The following RGS12 variants were observed in gnomAD, a reference collection of about 807,000 sequenced individuals.
RGS12 encodes regulator of G protein signaling 12.
Under a neutral mutation model 120.1 loss-of-function variants are expected in RGS12, and 66 were observed. The ratio of observed to expected loss-of-function variants is 0.55; its 90% CI spans 0.45 to 0.67. RGS12 has a LOEUF of 0.67. Among genes scored for constraint, RGS12 ranks in the 30% least tolerant of loss-of-function variants. The pLI, the probability that RGS12 is intolerant of heterozygous loss-of-function variation, is 0.00. For synonymous variants in RGS12, 827 were observed against 804.7 expected, an observed-to-expected ratio of 1.03 and a Z score of -0.47; for missense variants, 1,859 against 1,957.7, an observed-to-expected ratio of 0.95 and a Z score of 0.95.
At chr4:3,429,942 G>C (rs1377475984) in intron 16 of RGS12, among the ~76,000 whole-genome samples, 1 of 152,108 alleles carries the variant, frequency 6.6e-6, no homozygotes, top group Admixed American at 6.5e-5. Context: ...ACCCCTCCTC[G>C]GGTTCATTCT....
At chr4:3,286,451 C>T in the RGS12 span, among the ~76,000 whole-genome samples, 1 of 152,242 alleles carries the variant, frequency 6.6e-6, no homozygotes, top group African/African-American at 2.4e-5. Flanking sequence ...ACTCAACTGG[C>T]AAATACAGTC....
chr4:3,429,370 A>G (rs1414757232), intron 16 of RGS12, among the ~76,000 whole-genome samples: 2 of 152,234 alleles, frequency 1.3e-5, no homozygotes, highest in Non-Finnish European at 2.9e-5. Flanking sequence ...TCCAGGGCGT[A>G]CTTGCCAGTC....
chr4:3,408,792 T>C (rs1328329193), intron 4 of RGS12, among the ~76,000 whole-genome samples: 1 of 152,182 alleles, frequency 6.6e-6, no homozygotes, highest in African/African-American at 2.4e-5. Flanking sequence ...TGTGTCTGCT[T>C]CCTCTACTCT....
intron 2 of RGS12, among the ~76,000 whole-genome samples, chr4:3,323,108 C>T (rs1220636451): frequency 6.6e-6 from 1 of 152,244 alleles, no homozygotes; most frequent in Non-Finnish European, 1.5e-5. Context: ...GCGCAGTCTG[C>T]TGTCCAGGGT....
Position 3,425,462 on chromosome 4 carries a change from A to G in RGS12, c.3235-2A>G, listed in dbSNP as rs926209224. 1 of 1,608,778 alleles carries G rather than the reference A, an allele frequency of 6.2e-7. No homozygotes were observed. The highest frequency in any genetic ancestry group is 1.3e-5 in the African/African-American group (1 of 74,624). On this transcript the variant is annotated splice_acceptor_variant, in intron 13 of 17. Transcript: ENST00000336727. LOFTEE classifies it high-confidence loss of function. ...ATTATTCAGTGCTGATCTCTGCCCTAGAGTGGAGAGAAGGAGCCCCTGGAC... is the reference window on the plus strand; with the variant it reads ...ATTATTCAGTGCTGATCTCTGCCCTGGAGTGGAGAGAAGGAGCCCCTGGAC...
At chr4:3,358,430 T>C (rs7677740) in intron 3 of RGS12, among the ~76,000 whole-genome samples, 4,886 of 152,260 alleles carry the variant, frequency 0.032, 239 homozygotes, top group African/African-American at 0.11. Context: ...TGAAAAGCTT[T>C]GTCATTCTCC....
At chr4:3,350,029 GAT>G (rs1433458206) in intron 3 of RGS12, among the ~76,000 whole-genome samples, 2 of 152,100 alleles carry the variant, frequency 1.3e-5, no homozygotes, top group African/African-American at 4.8e-5. Flanking sequence ...TGAAAACTGA[GAT>G]ATAGAAAAAG....
rs765900737 is a variant in RGS12 at position 3,430,644 on chromosome 4, G to A, written c.3803G>A (p.Ser1268Asn). The A allele has an allele frequency of 6.2e-7, 1 of 1,600,232 alleles. No homozygotes were observed. Among genetic ancestry groups the A allele is most frequent in the Non-Finnish European group, 8.5e-7 (1 of 1,172,824 alleles). The part of the protein sequence containing the change: ...GEQWEPVQES[S>N]DSPSTSPGSA... The stretch of plus-strand genomic sequence containing the variant: ...CAGTGGGAGCCAGTCCAGGAGAGCA[G>A]CGACAGCCCGTCCACCAGCCCGGGC... Residue 1268 changes from serine to asparagine, a missense_variant, in exon 17 of 18, where the codon AGC becomes AAC. By Grantham distance (46) the Ser-to-Asn change is conservative. Around this residue, in one of 3 missense-constraint regions of RGS12, gnomAD observed 517 missense variants for 488.5 expected, o/e 1.06. Transcript: ENST00000336727.
At chr4:3,375,097 G>A (rs1305752395) in intron 3 of RGS12, among the ~76,000 whole-genome samples, 1 of 152,236 alleles carries the variant, frequency 6.6e-6, no homozygotes, top group South Asian at 2.1e-4. Flanking sequence ...GGGGCTGCCA[G>A]GAGGGGTCGG....
Position 3,317,262 on chromosome 4 carries a change from G to T in RGS12, c.1092G>T (p.Thr364=), listed in dbSNP as rs200340231. The T allele has an allele frequency of 1.2e-5, 19 of 1,614,122 alleles. No homozygotes were observed. In the South Asian group the frequency reaches 1.3e-4, roughly 11 times the overall value. The change falls in exon 2 of 18, where the codon ACG becomes ACT. Residue 364 remains threonine (T), a synonymous_variant. Coordinates refer to ENST00000336727, the MANE Select transcript of RGS12 (RefSeq NM_001394154.1). ...CTCGGCGGTTTGGGTTTGAGTGCACGGCCGACCCAGACACCAATGGCTGTC... is the reference window on the plus strand; with the variant it reads ...CTCGGCGGTTTGGGTTTGAGTGCACTGCCGACCCAGACACCAATGGCTGTC... The part of the protein sequence containing the change: ...GIARRFGFEC[T]ADPDTNGCLE...
At chr4:3,432,647 T>C (rs1724428818) in intron 17 of RGS12, among the ~76,000 whole-genome samples, 1 of 152,304 alleles carries the variant, frequency 6.6e-6, no homozygotes, top group East Asian at 1.9e-4. Context: ...ATCCCTGACT[T>C]GTTTGTGGCA....
At chr4:3,430,209 A>AC (rs1724118839) in intron 16 of RGS12, among the ~76,000 whole-genome samples, 198 bp from the exon 17 acceptor site, 1 of 152,214 alleles carries the variant, frequency 6.6e-6, no homozygotes, top group Non-Finnish European at 1.5e-5. Context: ...TCCTGAAGAC[A>AC]GAGTATGCTA....
chr4:3,404,823 T>C (rs1041193357), intron 4 of RGS12, among the ~76,000 whole-genome samples: 1 of 152,218 alleles, frequency 6.6e-6, no homozygotes, highest in African/African-American at 2.4e-5. Context: ...CTCTTTTCTG[T>C]AGAGGGTGTC....
At position 3,433,649 on chromosome 4, in the gene RGS12, G is replaced by C. The variant is rs1212283692; in HGVS notation, c.4114+2694G>C. ...TCCTAGCCCCAGCACCACGTGCCAT[G>C]CCACCCTGTTCCAGCCCCTGCGCCA... On this transcript the variant is annotated intron_variant, in intron 17 of 17. Coordinates refer to ENST00000336727, the MANE Select transcript of RGS12 (RefSeq NM_001394154.1). This position sits in a 1 kb window ranked among gnomAD's most constrained non-coding sequence, Gnocchi z 4.4. 1.3e-5 allele frequency among the ~76,000 whole-genome samples: 2 copies of C among 151,310 alleles called. No individual in the cohort carries two copies. Among genetic ancestry groups the C allele is most frequent in the African/African-American group, 4.9e-5 (2 of 40,994 alleles).
intron 6 of RGS12, among the ~76,000 whole-genome samples, chr4:3,415,138 G>A (rs1352954680): frequency 6.1e-4 from 89 of 146,290 alleles, no homozygotes; most frequent in African/African-American, 2.1e-3. Flanking sequence ...TGTGAGGGGC[G>A]TGTGTGAGAG....
chr4:3,295,184 C>A (rs1229403872), intron 1 of RGS12, among the ~76,000 whole-genome samples: 1 of 152,114 alleles, frequency 6.6e-6, no homozygotes, highest in Non-Finnish European at 1.5e-5. Flanking sequence ...GGTGACCCAG[C>A]CGGCCTGGCT....
intron 3 of RGS12, among the ~76,000 whole-genome samples, chr4:3,368,542 G>A (rs1321569531): frequency 6.0e-5 from 8 of 132,330 alleles, no homozygotes; most frequent in African/African-American, 2.0e-4. Context: ...TGTGTGTGGG[G>A]TACGTGTGTG....
At chr4:3,360,114 T>G (rs1320790615) in intron 3 of RGS12, among the ~76,000 whole-genome samples, 3 of 152,214 alleles carry the variant, frequency 2.0e-5, no homozygotes, top group Non-Finnish European at 4.4e-5. Context: ...TTCTAAGAAT[T>G]TAACCATTTC....
At chr4:3,403,365 C>T (rs1237431290) in intron 4 of RGS12, among the ~76,000 whole-genome samples, 1 of 152,166 alleles carries the variant, frequency 6.6e-6, no homozygotes, top group Non-Finnish European at 1.5e-5. Context: ...CGTGGCAGCT[C>T]CTCTGCAGGG....
Sources: allele counts gnomAD v4.1 joint callset (sites outside exome capture counted in the v4.1 genomes callset), GRCh38; gene constraint gnomAD v4.1.1; regional missense constraint gnomAD v4.1.1; non-coding constraint Gnocchi (gnomAD v3.1); transcripts MANE v1.5; gene names NCBI Gene and HGNC (gene_info 2026-07-23, HGNC 2026-07-21).